Variants in ERC1 observed in about 807,000 individuals in gnomAD.
The protein encoded by ERC1 is RAB6 interacting protein 2.
ERC1 carries 56 observed loss-of-function variants against 132.0 expected under a neutral mutation model. That is an observed-to-expected ratio of 0.42 (90% CI 0.34 to 0.53). The LOEUF is 0.53. ERC1 is among the 20% of genes least tolerant of loss of function. The pLI, the probability that ERC1 is intolerant of heterozygous loss-of-function variation, is 0.03. For synonymous variants in ERC1, 478 were observed against 476.1 expected, an observed-to-expected ratio of 1.00 and a Z score of -0.05; for missense variants, 1,202 against 1,349.9, an observed-to-expected ratio of 0.89 and a Z score of 1.72.
chr12:1,331,524 G>C (rs1254579965), intron 15 of ERC1, among the ~76,000 whole-genome samples: 1 of 152,116 alleles, frequency 6.6e-6, no homozygotes, highest in Non-Finnish European at 1.5e-5. Flanking sequence ...GGAGATAGTG[G>C]GGCTGTCACA....
intron 1 of ERC1, among the ~76,000 whole-genome samples, chr12:999,018 C>G (rs900987870): frequency 6.6e-6 from 1 of 151,960 alleles, no homozygotes. Flanking sequence ...CACCACCACA[C>G]CCAGCTAATT....
intron 2 of ERC1, among the ~76,000 whole-genome samples, chr12:1,079,179 T>G (rs1018884729): frequency 1.4e-5 from 2 of 146,582 alleles, no homozygotes; most frequent in African/African-American, 4.9e-5. Context: ...TAGAAATGAT[T>G]TGTAATATGA....
At chr12:1,401,745 C>T (rs186471622) in intron 16 of ERC1, among the ~76,000 whole-genome samples, 17 of 107,606 alleles carry the variant, frequency 1.6e-4, no homozygotes, top group Non-Finnish European at 2.9e-4. Context: ...GAAGGGAGGG[C>T]GGTAAAAAAA....
At chr12:1,288,935 C>T (rs1341721737) in intron 14 of ERC1, among the ~76,000 whole-genome samples, 1 of 151,624 alleles carries the variant, frequency 6.6e-6, no homozygotes, top group African/African-American at 2.4e-5. Flanking sequence ...TTACCTTGCT[C>T]TCTTAGTTTC....
intron 1 of ERC1, among the ~76,000 whole-genome samples, chr12:1,010,521 T>C (rs1166550092): frequency 2.7e-5 from 4 of 149,914 alleles, no homozygotes; most frequent in African/African-American, 9.8e-5. Flanking sequence ...TTTTTTTTTT[T>C]TTTTTTGACA....
At chr12:1,069,359 T>G (rs1939892563) in intron 2 of ERC1, among the ~76,000 whole-genome samples, 1 of 152,212 alleles carries the variant, frequency 6.6e-6, no homozygotes, top group African/African-American at 2.4e-5. Flanking sequence ...CTGGTAAAGT[T>G]GGAGGCACAC....
chr12:1,468,517 G>A (rs756557693), intron 18 of ERC1, among the ~76,000 whole-genome samples: 1 of 152,092 alleles, frequency 6.6e-6, no homozygotes, highest in Non-Finnish European at 1.5e-5. Context: ...CAGGAGAATC[G>A]CTAGAACCCG....
chr12:1,373,766 G>A (rs905000984), intron 16 of ERC1, among the ~76,000 whole-genome samples: 6 of 152,150 alleles, frequency 3.9e-5, no homozygotes, highest in Non-Finnish European at 8.8e-5. Context: ...ACAAGAGGAC[G>A]AGAGTCCGTC....
chr12:1,494,915 C>T lies in ERC1; in HGVS notation c.*4685C>T, dbSNP rs2094346578. 8.7e-6 allele frequency: 2 copies of T among 231,082 alleles called. No homozygotes were observed. Among genetic ancestry groups the T allele is most frequent in the Admixed American group, 5.7e-5 (1 of 17,698 alleles). 14.3% of individuals were successfully genotyped at this position (231,082 alleles called of 1,614,324 possible). On this transcript the variant is annotated 3_prime_UTR_variant, in exon 19 of 19. Transcript: ENST00000360905. The stretch of plus-strand genomic sequence containing the variant: ...CTCCTCCCAGGCTGGCATAGGTGGC[C>T]CTGGGCTGGCGGCTTAGGAAGCATG...
chr12:1,135,775 A>G (rs1291196787), intron 7 of ERC1, among the ~76,000 whole-genome samples: 3 of 152,188 alleles, frequency 2.0e-5, no homozygotes. Flanking sequence ...ATAGAGAGCA[A>G]GGTCCTGCTA....
intron 17 of ERC1, among the ~76,000 whole-genome samples, chr12:1,409,800 C>T (rs965110110): frequency 2.0e-5 from 3 of 152,178 alleles, no homozygotes; most frequent in Non-Finnish European, 4.4e-5. Flanking sequence ...CCTACACCTC[C>T]TGGGTTCAAG....
At chr12:1,201,246 G>A (rs1356543807) in intron 12 of ERC1, among the ~76,000 whole-genome samples, 12 of 151,996 alleles carry the variant, frequency 7.9e-5, no homozygotes, top group Admixed American at 7.9e-4. Flanking sequence ...CAAGTAAATG[G>A]CATGGTATAA....
At chr12:1,384,554 G>A (rs1225811678) in intron 16 of ERC1, among the ~76,000 whole-genome samples, 2 of 152,074 alleles carry the variant, frequency 1.3e-5, no homozygotes, top group Admixed American at 1.3e-4. Context: ...TTAATTTTAA[G>A]AATCAATTAA....
rs369457246 is a variant in ERC1, at chr12:1,297,533, T to C, written c.2780+7521T>C. On this transcript the variant is annotated intron_variant, in intron 15 of 18. Coordinates refer to ENST00000360905, the MANE Select transcript of ERC1 (RefSeq NM_178040.4). ...CCTAGACAACATGACGAAACCCTGT[T>C]TCTACAAAAAAAAAAAAAAAAAAAA... Among the ~76,000 whole-genome samples the C allele has an allele frequency of 4.5e-3, 595 of 131,650 alleles. 8 individuals are homozygous for C. The highest frequency in any genetic ancestry group is 0.017 in the African/African-American group (572 of 33,776). The allele number at this position is 131,650 out of a possible 152,430, so 86.4% of individuals were successfully genotyped here.
At chr12:1,354,800 G>C (rs150638496) in intron 15 of ERC1, among the ~76,000 whole-genome samples, 2 of 152,054 alleles carry the variant, frequency 1.3e-5, no homozygotes, top group South Asian at 4.1e-4. Context: ...ACAGGAGTGC[G>C]CCCGGCTAGT....
chr12:1,371,256 T>G (rs114580518), intron 15 of ERC1, among the ~76,000 whole-genome samples: 9,186 of 152,284 alleles, frequency 0.06, 313 homozygotes, highest in South Asian at 0.12. Flanking sequence ...GTTTGACTGT[T>G]TTAGATCCCT....
At chr12:1,175,570 G>A (rs766215745) in intron 8 of ERC1, among the ~76,000 whole-genome samples, 48 of 137,072 alleles carry the variant, frequency 3.5e-4, no homozygotes, top group Non-Finnish European at 6.7e-4. Context: ...TTTTGCTATT[G>A]TTGCCCGGGC....
chr12:1,492,424 G>A lies in ERC1; in HGVS notation c.*2194G>A, dbSNP rs1001689149. The stretch of plus-strand genomic sequence containing the variant: ...CCACGGTGGAACCAAGACAGCAGGC[G>A]AGGCCATGCCTAAACAAGTGGTCTG... On this transcript the variant is annotated 3_prime_UTR_variant, in exon 19 of 19. Coordinates refer to ENST00000360905, the MANE Select transcript of ERC1 (RefSeq NM_178040.4). 6 of 233,128 alleles carry A rather than the reference G, an allele frequency of 2.6e-5. No homozygotes were observed. The highest frequency in any genetic ancestry group is 6.6e-5 in the African/African-American group (3 of 45,320). 14.4% of individuals were successfully genotyped at this position (233,128 alleles called of 1,614,324 possible). A position where few individuals can be genotyped will look rare whatever the true frequency, so the allele number is the denominator to read the frequency against.
intron 1 of ERC1, among the ~76,000 whole-genome samples, chr12:993,538 T>C (rs1266441707): frequency 6.6e-6 from 1 of 152,250 alleles, no homozygotes; most frequent in Non-Finnish European, 1.5e-5. Context: ...AGGTGTTTTT[T>C]TTCCTTCATT....
Sources: gnomAD v4.1 joint callset for allele counts (sites outside exome capture counted in the v4.1 genomes callset) on GRCh38, gnomAD v4.1.1 for gene constraint, MANE v1.5 for transcripts, NCBI Gene and HGNC (gene_info 2026-07-23, HGNC 2026-07-21) for gene names.